The following ATG7 variants were observed in gnomAD, a reference collection of about 807,000 sequenced individuals.
The protein encoded by ATG7 is autophagy related 7, also known as ubiquitin-like modifier-activating enzyme ATG7.
In ATG7, 70 loss-of-function variants were observed where a neutral mutation model predicts 82.4. The observed-to-expected ratio is 0.85, with a 90% confidence interval of 0.70 to 1.04. The LOEUF is 1.04. ATG7 is among the 50% of genes least tolerant of loss of function. ATG7 has a pLI of 0.00. For missense variants in ATG7, 792 were observed against 864.3 expected (o/e 0.92, Z 1.05); for synonymous variants, 287 against 313.0 (o/e 0.92, Z 0.88).
chr3:11,514,207 C>T (rs190753905), intron 20 of ATG7, among the ~76,000 whole-genome samples: 198 of 152,270 alleles, frequency 1.3e-3, no homozygotes, highest in Middle Eastern at 6.8e-3. Context: ...GGATGACAAA[C>T]GAAGGAAAGT....
downstream of ATG7, among the ~76,000 whole-genome samples, chr3:11,559,806 C>T (rs958363874): frequency 6.6e-6 from 1 of 152,178 alleles, no homozygotes; most frequent in Admixed American, 6.5e-5. Context: ...TCGATTCTCC[C>T]GTTAACGTCC....
At chr3:11,572,978 A>G in the ATG7 span, among the ~76,000 whole-genome samples, 19 of 151,896 alleles carry the variant, frequency 1.3e-4, no homozygotes, top group African/African-American at 4.6e-4. Flanking sequence ...GACCGGCCTG[A>G]CCAACATGGC....
At chr3:11,461,143 G>A (rs989371902) in intron 20 of ATG7, among the ~76,000 whole-genome samples, 2 of 152,220 alleles carry the variant, frequency 1.3e-5, no homozygotes, top group African/African-American at 4.8e-5. Context: ...TGGAAGCCAT[G>A]GATATAGGGT....
intron 20 of ATG7, among the ~76,000 whole-genome samples, chr3:11,433,108 A>G (rs1362489426): frequency 1.3e-5 from 2 of 151,986 alleles, no homozygotes; most frequent in Admixed American, 6.6e-5. Context: ...CCTGGGCTAG[A>G]TGGTGAGCCT....
At chr3:11,284,849 C>CTTT (rs34240225) in intron 3 of ATG7, among the ~76,000 whole-genome samples, 3 of 113,802 alleles carry the variant, frequency 2.6e-5, no homozygotes, top group Non-Finnish European at 5.5e-5. Flanking sequence ...TGTGCCTGGC[C>CTTT]TTTTTTTTTT....
intron 3 of ATG7, among the ~76,000 whole-genome samples, chr3:11,298,337 CAG>C (rs2152689590): frequency 6.6e-6 from 1 of 152,246 alleles, no homozygotes; most frequent in East Asian, 1.9e-4. Flanking sequence ...CCTGTATAGA[CAG>C]AAAGTAGAAT....
At chr3:11,326,247 C>T (rs1950857665) in intron 9 of ATG7, among the ~76,000 whole-genome samples, 1 of 151,622 alleles carries the variant, frequency 6.6e-6, no homozygotes, top group African/African-American at 2.4e-5. Flanking sequence ...TAGTTTCTCC[C>T]TTCTCCCCCT....
chr3:11,395,510 T>C (rs1026548108), intron 19 of ATG7, among the ~76,000 whole-genome samples: 1 of 152,128 alleles, frequency 6.6e-6, no homozygotes, highest in African/African-American at 2.4e-5. Flanking sequence ...GGAAAAGACA[T>C]TAACTTCTGA....
At chr3:11,414,208 G>A (rs538606030) in intron 19 of ATG7, among the ~76,000 whole-genome samples, 1 of 152,244 alleles carries the variant, frequency 6.6e-6, no homozygotes, top group African/African-American at 2.4e-5. Context: ...TGGGATTCCA[G>A]GTGCACACCA....
At chr3:11,476,532 G>A (rs145563586) in intron 20 of ATG7, among the ~76,000 whole-genome samples, 1 of 151,116 alleles carries the variant, frequency 6.6e-6, no homozygotes, top group South Asian at 2.1e-4. Flanking sequence ...CCCAGAGATA[G>A]AGTCCTGGCC....
chr3:11,479,621 G>A (rs1041902915), intron 20 of ATG7, among the ~76,000 whole-genome samples: 1 of 151,740 alleles, frequency 6.6e-6, no homozygotes, highest in African/African-American at 2.4e-5. Flanking sequence ...AAAAGGAAAG[G>A]AAAAGCTATT....
rs2092085540 is a variant in ATG7 at position 11,511,938 on chromosome 3, C to T, written c.2080-42873C>T. 2.6e-5 allele frequency among the ~76,000 whole-genome samples: 4 copies of T among 152,288 alleles called. No individual in the cohort carries two copies. The South Asian group carries it at 8.3e-4, about 32-fold the overall frequency. On this transcript the variant is annotated intron_variant, in intron 20 of 20. Transcript: ENST00000693202. ...CCCACCCAGAACTCCAGCTGGCCTG[C>T]AAGCGCCGCATGCAGCCCTGGTTCC...
chr3:11,530,302 C>G (rs928444755), intron 20 of ATG7, among the ~76,000 whole-genome samples: 1 of 152,148 alleles, frequency 6.6e-6, no homozygotes, highest in Non-Finnish European at 1.5e-5. Flanking sequence ...GTGTGCGGTG[C>G]GCGTGCAGTC....
chr3:11,513,087 C>T (rs2092135007), intron 20 of ATG7, among the ~76,000 whole-genome samples: 1 of 152,204 alleles, frequency 6.6e-6, no homozygotes, highest in Non-Finnish European at 1.5e-5. Flanking sequence ...AAACCTTGAG[C>T]TAGATACAGA....
chr3:11,484,439 C>CA (rs569197331), intron 20 of ATG7, among the ~76,000 whole-genome samples: 233 of 152,222 alleles, frequency 1.5e-3, no homozygotes, highest in African/African-American at 4.7e-3. Flanking sequence ...ACGACAAACC[C>CA]AAAAGGGTTA....
chr3:11,286,583 C>CTTTTTTTTTTTTTTTTTTTT (rs5846700), intron 3 of ATG7, among the ~76,000 whole-genome samples: 4 of 66,956 alleles, frequency 6.0e-5, no homozygotes, highest in Non-Finnish European at 7.4e-5. Flanking sequence ...TTCTTTCTTT[C>CTTTTTTTTTTTTTTTTTTTT]TTTTTTTTTT....
intron 20 of ATG7, among the ~76,000 whole-genome samples, chr3:11,526,882 C>A (rs1439439781): frequency 6.6e-6 from 1 of 151,796 alleles, no homozygotes; most frequent in African/African-American, 2.4e-5. Flanking sequence ...AGGAAGTTCC[C>A]TTTTGTTACT....
At chr3:11,326,805 C>A (rs533500651) in intron 9 of ATG7, among the ~76,000 whole-genome samples, 1 of 152,278 alleles carries the variant, frequency 6.6e-6, no homozygotes, top group South Asian at 2.1e-4. Flanking sequence ...TCGGTGGAAG[C>A]CCTGGACTGG....
chr3:11,411,784 C>A (rs956783069), intron 19 of ATG7, among the ~76,000 whole-genome samples: 1 of 151,838 alleles, frequency 6.6e-6, no homozygotes, highest in Admixed American at 6.6e-5. Context: ...TTTAAGAAAT[C>A]ATTGCTAAAT....
Sources: gnomAD v4.1 joint callset for allele counts (sites outside exome capture counted in the v4.1 genomes callset) on GRCh38, gnomAD v4.1.1 for gene constraint, MANE v1.5 for transcripts, NCBI Gene and HGNC (gene_info 2026-07-23, HGNC 2026-07-21) for gene names.